Variants in WDR89 observed in about 807,000 individuals in gnomAD.
WDR89 encodes the protein WD repeat domain 89, also known as WD repeat-containing protein 89.
Under a neutral mutation model 29.1 loss-of-function variants are expected in WDR89, and 17 were observed. The ratio of observed to expected loss-of-function variants is 0.58; its 90% confidence interval spans 0.40 to 0.88. The LOEUF is 0.88. WDR89 is among the 40% of genes least tolerant of loss of function. The pLI is 0.00. For synonymous variants in WDR89, 138 were observed against 157.8 expected (o/e 0.87, Z 0.94); for missense variants, 396 against 456.3 (o/e 0.87, Z 1.20).
intron 2 of WDR89, among the ~76,000 whole-genome samples, chr14:63,624,227 G>A (rs1882891344): frequency 6.6e-6 from 1 of 152,072 alleles, no homozygotes; most frequent in Non-Finnish European, 1.5e-5. Context: ...CAGCACTTTG[G>A]GAGGCCTGGG....
intron 2 of WDR89, chr14:63,601,522 C>T (rs1895062063): frequency 4.0e-6 from 6 of 1,499,978 alleles, no homozygotes; most frequent in South Asian, 3.4e-5. Flanking sequence ...GCAGGACAAG[C>T]GTTTAAGTTT....
rs1318214210 is a variant in WDR89, at chr14:63,624,282, C to G, written c.-32+646G>C. On this transcript the variant is annotated intron_variant, in intron 2 of 2. Coordinates refer to ENST00000620954, the MANE Select transcript of WDR89 (RefSeq NM_080666.4). ...AGGAGTTCAAGATCAGCCTGGGTGA[C>G]ATGGCAAAACCCCATCTCCATCAAA... Among the ~76,000 whole-genome samples the G allele has an allele frequency of 2.6e-5, 4 of 151,928 alleles. No individual in the cohort carries two copies. In the East Asian group the frequency reaches 7.7e-4, roughly 29 times the overall value.
rs151090739 is a variant in WDR89, at chr14:63,626,059, G to A, written c.-137-1026C>T. Among the ~76,000 whole-genome samples the A allele has an allele frequency of 9.7e-3, 1,480 of 152,034 alleles. 31 individuals carry two copies. Among genetic ancestry groups the A allele is most frequent in the African/African-American group, 0.032 (1,346 of 41,476 alleles). On this transcript the variant is annotated intron_variant, in intron 1 of 2. Coordinates refer to ENST00000620954, the MANE Select transcript of WDR89 (RefSeq NM_080666.4). ...AGTAGAGATGGGGTTTCACCATGTT[G>A]GCCAGGATGGTCTCAATCTCCTGAC...
At chr14:63,620,897 C>CA (rs539451063) in intron 2 of WDR89, among the ~76,000 whole-genome samples, 6,452 of 82,780 alleles carry the variant, frequency 0.078, 480 homozygotes, top group African/African-American at 0.2. Context: ...GACTCCATCT[C>CA]AAAAAAAAAA....
chr14:63,602,387 C>T (rs1455053785), intron 2 of WDR89, among the ~76,000 whole-genome samples: 3 of 141,586 alleles, frequency 2.1e-5, no homozygotes, highest in Non-Finnish European at 4.5e-5. Flanking sequence ...AGGAGAACTG[C>T]TTGAGGTAGA....
chr14:63,605,772 T>G lies in WDR89; in HGVS notation c.-31-5799A>C, dbSNP rs562972110. On this transcript the variant is annotated intron_variant, in intron 2 of 2. Coordinates refer to ENST00000620954, the MANE Select transcript of WDR89 (RefSeq NM_080666.4). The stretch of plus-strand genomic sequence containing the variant: ...ACCATGCCCGGCAAGACTATACTTT[T>G]AATCGTTATTTTAGAGTGGACTTTC... Among the ~76,000 whole-genome samples, 17 of 152,234 alleles carry G rather than the reference T, an allele frequency of 1.1e-4. No homozygotes were observed. In the East Asian group the frequency reaches 3.3e-3, roughly 29 times the overall value.
At chr14:63,625,625 C>T (rs1411914798) in intron 1 of WDR89, among the ~76,000 whole-genome samples, 3 of 152,120 alleles carry the variant, frequency 2.0e-5, no homozygotes, top group Non-Finnish European at 4.4e-5. Context: ...GAAGGGGCAT[C>T]CAAGAGGTTT....
chr14:63,633,576 G>C (rs569277517), intron 1 of WDR89, among the ~76,000 whole-genome samples: 2 of 152,062 alleles, frequency 1.3e-5, no homozygotes, highest in Non-Finnish European at 2.9e-5. Flanking sequence ...CCATTCAAAA[G>C]GACTACGTTG....
chr14:63,601,788 G>C (rs1895077366), intron 2 of WDR89: 1 of 1,206,482 alleles, frequency 8.3e-7, no homozygotes, highest in Non-Finnish European at 1.2e-6. Context: ...TAGAGATGGT[G>C]ACGTTCTTGG....
chr14:63,615,915 C>T lies in WDR89; in HGVS notation c.-32+9013G>A, dbSNP rs184722463. Among the ~76,000 whole-genome samples the T allele has an allele frequency of 5.4e-5, 8 of 147,152 alleles. No homozygotes were observed. The East Asian group carries it at 1.6e-3, about 29-fold the overall frequency. ...CTCCAGCCTTGGCGACAGAGCAAGA[C>T]CCTGTCTTTAAAAAAAAAAAAAAAA... On this transcript the variant is annotated intron_variant, in intron 2 of 2. Transcript: ENST00000620954.
In WDR89 at chr14:63,628,947, AAC is replaced by A. The variant is rs1165683760; in HGVS notation, c.-137-3916_-137-3915del. 4.3e-3 allele frequency among the ~76,000 whole-genome samples: 640 copies of A among 149,996 alleles called. 8 individuals are homozygous for A. The highest frequency in any genetic ancestry group is 0.014 in the African/African-American group (589 of 40,926). On this transcript the variant is annotated intron_variant, in intron 1 of 2. Transcript: ENST00000620954. ...ATGTGAGACCCTGTCTCAAAAAAAA[AAC>A]AAAAAACAAAAAACGATGTTTGCCT...
chr14:63,637,875 C>A (rs1279011518), intron 1 of WDR89, among the ~76,000 whole-genome samples: 2 of 151,962 alleles, frequency 1.3e-5, no homozygotes, highest in East Asian at 3.8e-4. Context: ...ATACGTGCAC[C>A]AAAATCTCAC....
At chr14:63,637,501 G>A (rs1883810878) in intron 1 of WDR89, among the ~76,000 whole-genome samples, 2 of 152,144 alleles carry the variant, frequency 1.3e-5, no homozygotes, top group African/African-American at 4.8e-5. Context: ...GCATAATCGT[G>A]GAACCAATCC....
chr14:63,616,051 T>C (rs1037970007), intron 2 of WDR89, among the ~76,000 whole-genome samples: 1 of 152,114 alleles, frequency 6.6e-6, no homozygotes, highest in Non-Finnish European at 1.5e-5. Flanking sequence ...GAGACCAGCT[T>C]AGGCAACATG....
intron 2 of WDR89, among the ~76,000 whole-genome samples, chr14:63,623,800 A>C (rs182455627): frequency 2.4e-4 from 36 of 151,922 alleles, no homozygotes; most frequent in African/African-American, 8.0e-4. Context: ...AGAGATTGTC[A>C]GGATGGGGGT....
chr14:63,599,999 T>C (rs1323776899), intron 2 of WDR89, 26 bp from the exon 3 acceptor site: 1 of 1,262,210 alleles, frequency 7.9e-7, no homozygotes, highest in Non-Finnish European at 1.0e-6. Context: ...ATAATAAAAA[T>C]AAAAATTAAT....
At chr14:63,619,731 A>C (rs1454039006) in intron 2 of WDR89, among the ~76,000 whole-genome samples, 3 of 152,160 alleles carry the variant, frequency 2.0e-5, no homozygotes, top group Non-Finnish European at 2.9e-5. Context: ...TAGGCTGGGC[A>C]CCGTGGCTTA....
intron 1 of WDR89, among the ~76,000 whole-genome samples, chr14:63,628,799 A>G (rs1352744387): frequency 6.6e-6 from 1 of 152,110 alleles, no homozygotes; most frequent in Non-Finnish European, 1.5e-5. Flanking sequence ...TATCCCTATC[A>G]AAAGTACAAA....
chr14:63,640,483 T>C (rs1036088622), intron 1 of WDR89, among the ~76,000 whole-genome samples: 7 of 147,384 alleles, frequency 4.7e-5, no homozygotes, highest in African/African-American at 1.1e-4. Flanking sequence ...GTGTGTTTTA[T>C]TGACTTTTTT....
Sources: allele counts gnomAD v4.1 joint callset (sites outside exome capture counted in the v4.1 genomes callset), GRCh38; gene constraint gnomAD v4.1.1; transcripts MANE v1.5; gene names NCBI Gene and HGNC (gene_info 2026-07-23, HGNC 2026-07-21).